Variants in MBTD1 observed in about 807,000 individuals in gnomAD.
MBTD1 encodes the protein MBT domain-containing protein 1.
In MBTD1, 24 loss-of-function variants were observed where a neutral mutation model predicts 87.8. The observed-to-expected ratio is 0.27, with a 90% CI of 0.20 to 0.38. The LOEUF is 0.38. Ranked by LOEUF, MBTD1 falls within the 10% of genes least tolerant of loss-of-function variation. The probability of loss-of-function intolerance (pLI) is 1.00; values close to 1 mark genes in which losing one functional copy is unlikely to be tolerated. For missense variants in MBTD1, 436 were observed against 760.2 expected (o/e 0.57, Z 5.02); for synonymous variants, 237 against 248.6 (o/e 0.95, Z 0.44).
intron 12 of MBTD1, among the ~76,000 whole-genome samples, chr17:51,200,431 G>C (rs1284195266): frequency 1.3e-5 from 2 of 151,876 alleles, no homozygotes; most frequent in Non-Finnish European, 2.9e-5. Context: ...GGTTGGGTGT[G>C]GTGGCTTCTG....
At chr17:51,208,173 T>C (rs544714643) in intron 6 of MBTD1, among the ~76,000 whole-genome samples, 32 of 152,298 alleles carry the variant, frequency 2.1e-4, no homozygotes, top group South Asian at 1.2e-3. Flanking sequence ...CTTAGTAGTT[T>C]CTGGAATTTC....
At chr17:51,222,719 T>C (rs2052982767) in intron 3 of MBTD1, among the ~76,000 whole-genome samples, 1 of 152,076 alleles carries the variant, frequency 6.6e-6, no homozygotes, top group African/African-American at 2.4e-5. Context: ...AGGTTTTAAC[T>C]GGAGGATGAC....
At chr17:51,189,829 G>A (rs1408792697) in intron 16 of MBTD1, among the ~76,000 whole-genome samples, 1 of 152,140 alleles carries the variant, frequency 6.6e-6, no homozygotes, top group African/African-American at 2.4e-5. Flanking sequence ...GTGAATTCTT[G>A]CTACTCATTT....
rs1555673721 is a variant in MBTD1, at chr17:51,179,494, A to ATATATTTT, written c.*1081_*1082insAAAATATA. On this transcript the variant is annotated 3_prime_UTR_variant, in exon 17 of 17. Coordinates refer to ENST00000586178, the MANE Select transcript of MBTD1 (RefSeq NM_017643.3). ...CAATTAAAGACAATTTTATATATAT[A>ATATATTTT]TATATATATATATATATATATATAT... The ATATATTTT allele has an allele frequency of 5.8e-4, 24 of 41,456 alleles. No homozygotes were observed. Among genetic ancestry groups the ATATATTTT allele is most frequent in the East Asian group, 4.9e-3 (6 of 1,236 alleles). The allele number at this position is 41,456 out of a possible 1,614,324, so 2.6% of individuals were successfully genotyped here. A position where few individuals can be genotyped will look rare whatever the true frequency, so the allele number is the denominator to read the frequency against.
intron 2 of MBTD1, among the ~76,000 whole-genome samples, chr17:51,228,588 T>C (rs1425311765): frequency 9.0e-6 from 1 of 111,630 alleles, no homozygotes; most frequent in Admixed American, 9.7e-5. Flanking sequence ...GAAAAGAAAA[T>C]AGGAGACAAT....
At chr17:51,218,397 CGTGCGCCTGTAGTCTCAGCTACTT>C (rs1322313374) in intron 5 of MBTD1, among the ~76,000 whole-genome samples, 1 of 151,696 alleles carries the variant, frequency 6.6e-6, no homozygotes, top group Non-Finnish European at 1.5e-5. Flanking sequence ...AGTGTGGTGG[CGTGCGCCTGTAGTCTCAGCTACTT>C]GGGAGGCTGA....
At chr17:51,217,278 T>G in intron 6 of MBTD1, 56 bp downstream of exon 6, 1 of 1,009,820 alleles carries the variant, frequency 9.9e-7, no homozygotes, top group Non-Finnish European at 1.5e-6. Context: ...TATTGTACCT[T>G]CAGATTTAAA....
chr17:51,210,855 A>G (rs979295789), intron 6 of MBTD1, among the ~76,000 whole-genome samples: 6 of 151,746 alleles, frequency 4.0e-5, no homozygotes, highest in Non-Finnish European at 8.8e-5. Context: ...CAATATCACT[A>G]AAGAATTGGC....
In MBTD1 at chr17:51,203,737, A is replaced by G. The variant is rs142991372; in HGVS notation, c.739+54T>C. ...ACTCTAACATTACTATGTGTAAAAT[A>G]GCATTAAAGTACACATATAAAAAAA... On this transcript the variant is annotated intron_variant, in intron 8 of 16. Coordinates refer to ENST00000586178, the MANE Select transcript of MBTD1 (RefSeq NM_017643.3). 3.4e-5 allele frequency: 52 copies of G among 1,535,566 alleles called. No individual in the cohort carries two copies. The African/African-American group carries it at 5.5e-4, about 16-fold the overall frequency.
At chr17:51,216,537 A>G (rs951674674) in intron 6 of MBTD1, among the ~76,000 whole-genome samples, 41 of 152,216 alleles carry the variant, frequency 2.7e-4, no homozygotes, top group African/African-American at 8.7e-4. Context: ...TATATAGCAC[A>G]TATTTTAGCT....
intron 2 of MBTD1, among the ~76,000 whole-genome samples, chr17:51,246,688 T>G (rs1487207375): frequency 6.6e-6 from 1 of 152,150 alleles, no homozygotes; most frequent in Non-Finnish European, 1.5e-5. Context: ...CAGGCTGGAG[T>G]GCTGTGGTGC....
At position 51,179,486 on chromosome 17, in the gene MBTD1, A is replaced by ATATATATATATATATATATT. The variant is rs1568135477; in HGVS notation, c.*1089_*1090insAATATATATATATATATATA. ...CCTGAATACAATTAAAGACAATTTT[A>ATATATATATATATATATATT]TATATATATATATATATATATATAT... On this transcript the variant is annotated 3_prime_UTR_variant, in exon 17 of 17. Transcript: ENST00000586178. 33 of 15,018 alleles carry ATATATATATATATATATATT rather than the reference A, an allele frequency of 2.2e-3. 1 individual carries two copies. The highest frequency in any genetic ancestry group is 0.011 in the South Asian group (4 of 358). The allele number at this position is 15,018 out of a possible 1,614,324, so 0.9% of individuals were successfully genotyped here. A position where few individuals can be genotyped will look rare whatever the true frequency, so the allele number is the denominator to read the frequency against.
At chr17:51,239,713 A>T (rs1203071431) in intron 2 of MBTD1, among the ~76,000 whole-genome samples, 1 of 152,116 alleles carries the variant, frequency 6.6e-6, no homozygotes, top group Non-Finnish European at 1.5e-5. Flanking sequence ...AGCGGTGACA[A>T]CCAAAAACAC....
At chr17:51,200,067 C>T (rs551071410) in intron 12 of MBTD1, among the ~76,000 whole-genome samples, 11 of 152,278 alleles carry the variant, frequency 7.2e-5, no homozygotes, top group South Asian at 4.1e-4. Context: ...CCTCGTGATC[C>T]GCTTGCCTTG....
chr17:51,203,287 T>G, intron 8 of MBTD1, 59 bp from the exon 9 acceptor site: 1 of 873,866 alleles, frequency 1.1e-6, no homozygotes, highest in Non-Finnish European at 1.7e-6. Flanking sequence ...TCATAAATTA[T>G]TTGTTAAAAA....
intron 16 of MBTD1, among the ~76,000 whole-genome samples, chr17:51,182,414 C>CCG (rs2144966945): frequency 6.6e-6 from 1 of 152,280 alleles, no homozygotes; most frequent in South Asian, 2.1e-4. Context: ...GTGTCAGCCA[C>CCG]CGCGCCTGGC....
chr17:51,217,772 C>T (rs2052653089), intron 5 of MBTD1, among the ~76,000 whole-genome samples: 1 of 152,118 alleles, frequency 6.6e-6, no homozygotes, highest in African/African-American at 2.4e-5. Flanking sequence ...CCACACCCAG[C>T]TAATTTTTGT....
At chr17:51,220,242 G>T in intron 4 of MBTD1, 88 bp downstream of exon 4, 1 of 1,253,336 alleles carries the variant, frequency 8.0e-7, no homozygotes, top group South Asian at 1.6e-5. Flanking sequence ...GGCAGAGGTG[G>T]AGTACAGTGA....
intron 2 of MBTD1, among the ~76,000 whole-genome samples, chr17:51,253,389 T>A (rs1247499335): frequency 6.6e-6 from 1 of 152,140 alleles, no homozygotes; most frequent in Non-Finnish European, 1.5e-5. Context: ...TGTTTGCTAA[T>A]GTAATAATAA....
Sources: gnomAD v4.1 joint callset for allele counts (sites outside exome capture counted in the v4.1 genomes callset) on GRCh38, gnomAD v4.1.1 for gene constraint, MANE v1.5 for transcripts, NCBI Gene and HGNC (gene_info 2026-07-23, HGNC 2026-07-21) for gene names.